CFAP54: variants seen among roughly 807,000 people sequenced by gnomAD.
CFAP54 encodes cilia- and flagella-associated protein 54.
A neutral mutation model predicts 370.4 loss-of-function variants in CFAP54; 290 were observed. That is an observed-to-expected ratio of 0.78 (90% CI 0.71 to 0.86). CFAP54 has a LOEUF of 0.86. Ranked by LOEUF, CFAP54 falls within the 40% of genes least tolerant of loss-of-function variation. The pLI is 0.00. For missense variants in CFAP54, 3,399 were observed against 3,528.7 expected (o/e 0.96, Z 0.93); for synonymous variants, 1,206 against 1,236.5 (o/e 0.98, Z 0.52).
At chr12:96,862,766 A>G (rs1959909148) in intron 67 of CFAP54, among the ~76,000 whole-genome samples, 1 of 152,218 alleles carries the variant, frequency 6.6e-6, no homozygotes, top group African/African-American at 2.4e-5. Context: ...AATGGCTCTT[A>G]TGTGAAGATG....
intron 65 of CFAP54, among the ~76,000 whole-genome samples, chr12:96,826,853 A>T (rs1959118150): frequency 8.5e-6 from 1 of 117,728 alleles, no homozygotes; most frequent in Admixed American, 1.1e-4. Flanking sequence ...ATATTATATA[A>T]TATATTATAT....
chr12:96,760,523 G>A (rs1285132548), intron 58 of CFAP54, among the ~76,000 whole-genome samples: 1 of 152,114 alleles, frequency 6.6e-6, no homozygotes, highest in Non-Finnish European at 1.5e-5. Context: ...CATGTAAATA[G>A]AATGATAGAG....
At chr12:96,636,548 T>C (rs929679775) in intron 32 of CFAP54, among the ~76,000 whole-genome samples, 2 of 152,246 alleles carry the variant, frequency 1.3e-5, no homozygotes, top group Non-Finnish European at 2.9e-5. Flanking sequence ...GTTTGTCTAT[T>C]TTTTAGTCTT....
chr12:96,811,923 T>C, intron 64 of CFAP54, 81 bp downstream of exon 64: 1 of 812,504 alleles, frequency 1.2e-6, no homozygotes, highest in South Asian at 1.9e-5. Context: ...TGGCAAGGTG[T>C]AGCATAGGAG....
intron 62 of CFAP54, among the ~76,000 whole-genome samples, chr12:96,791,227 C>T (rs1367778268): frequency 6.6e-6 from 1 of 150,702 alleles, no homozygotes; most frequent in Non-Finnish European, 1.5e-5. Context: ...CTCTGTTGCC[C>T]AGGCTGCAGT....
intron 25 of CFAP54, among the ~76,000 whole-genome samples, chr12:96,597,446 G>A (rs1490562637): frequency 6.6e-6 from 1 of 151,890 alleles, no homozygotes; most frequent in Non-Finnish European, 1.5e-5. Context: ...TGGCAACTGA[G>A]CATGTAAAAG....
In CFAP54 at chr12:96,527,284, T is replaced by C. The variant is rs915665959; in HGVS notation, c.1197T>C (p.Asp399=). ...WPRTVTERLL[D]EMFDSTASQF... is the part of the protein sequence containing the mutation. Reference sequence around the variant, plus strand: ...GAACTGTCACAGAGCGGCTACTGGATGAGATGTTTGATAGCACTGCATCCC... The same window carrying C: ...GAACTGTCACAGAGCGGCTACTGGACGAGATGTTTGATAGCACTGCATCCC... Residue 399 remains aspartate, a synonymous_variant, in exon 9 of 68, where the codon GAT becomes GAC. Transcript: ENST00000524981. 2 of 1,532,722 alleles carry C rather than the reference T, an allele frequency of 1.3e-6. No individual in the cohort carries two copies. Among genetic ancestry groups the C allele is most frequent in the Non-Finnish European group, 1.7e-6 (2 of 1,145,654 alleles). 94.9% of individuals were successfully genotyped at this position (1,532,722 alleles called of 1,614,324 possible).
rs898821884 is a variant in CFAP54, at chr12:96,700,043, A to G, written c.6424A>G (p.Asn2142Asp). ...YEISQIFYGK[N>D]MPCPIPAGYK... ...GATATCCCAAATTTTCTATGGAAAA[A>G]ACATGCCTTGTCCAATACCTGCAGG... Residue 2142 changes from asparagine (N) to aspartate (D), a missense_variant, in exon 46 of 68, where the codon AAC becomes GAC. Coordinates refer to ENST00000524981, the MANE Select transcript of CFAP54 (RefSeq NM_001306084.2). 4 of 1,610,530 alleles carry G rather than the reference A, an allele frequency of 2.5e-6. No individual in the cohort carries two copies. In the African/African-American group the frequency reaches 4.0e-5, roughly 16 times the overall value.
At position 96,836,677 on chromosome 12, in the gene CFAP54, G is replaced by C. The variant is rs1486040964; in HGVS notation, c.9171+7589G>C. Among the ~76,000 whole-genome samples, 5 of 152,030 alleles carry C rather than the reference G, an allele frequency of 3.3e-5. No homozygotes were observed. The East Asian group carries it at 9.6e-4, about 29-fold the overall frequency. ...GAACATAAATTAGTCTATGCAATAT[G>C]TTTTCTTTTTGAATTTAATCTAAAA... On this transcript the variant is annotated intron_variant, in intron 66 of 67. Transcript: ENST00000524981.
chr12:96,582,142 C>T (rs563129337), intron 22 of CFAP54, among the ~76,000 whole-genome samples: 2 of 152,182 alleles, frequency 1.3e-5, no homozygotes, highest in East Asian at 3.9e-4. Context: ...GTAGCTACTT[C>T]CCAGAGGTAT....
At chr12:96,613,948 G>T (rs999342457) in intron 26 of CFAP54, among the ~76,000 whole-genome samples, 1 of 152,024 alleles carries the variant, frequency 6.6e-6, no homozygotes, top group African/African-American at 2.4e-5. Flanking sequence ...GGAGGAGCGG[G>T]TACCATTCCT....
chr12:96,603,487 A>T (rs1466155881), intron 26 of CFAP54, among the ~76,000 whole-genome samples: 1 of 152,104 alleles, frequency 6.6e-6, no homozygotes, highest in Non-Finnish European at 1.5e-5. Context: ...TATTTCCTGA[A>T]TTTGAATGTT....
intron 60 of CFAP54, among the ~76,000 whole-genome samples, chr12:96,771,137 C>G (rs187995462): frequency 5.9e-5 from 9 of 152,284 alleles, no homozygotes; most frequent in Non-Finnish European, 1.0e-4. Context: ...GAGGACTTCA[C>G]TGGAGAGGAA....
intron 66 of CFAP54, among the ~76,000 whole-genome samples, chr12:96,845,253 C>T (rs1387493990): frequency 6.6e-6 from 1 of 152,186 alleles, no homozygotes; most frequent in Non-Finnish European, 1.5e-5. Flanking sequence ...AAATCTCTCA[C>T]AGCTTGTATT....
chr12:96,509,719 G>A lies in CFAP54; in HGVS notation c.739+2620G>A, dbSNP rs1452575376. ...TAATCCCAGTTACTCAGGAGGCTGA[G>A]GCAGGAGAATTGCTTGAATCTGGGA... On this transcript the variant is annotated intron_variant, in intron 4 of 67. Transcript: ENST00000524981. Among the ~76,000 whole-genome samples, 3 of 151,940 alleles carry A rather than the reference G, an allele frequency of 2.0e-5. No individual in the cohort carries two copies. In the South Asian group the frequency reaches 6.2e-4, roughly 31 times the overall value.
chr12:96,511,339 G>T (rs1955164709), intron 4 of CFAP54, among the ~76,000 whole-genome samples: 1 of 151,990 alleles, frequency 6.6e-6, no homozygotes, highest in South Asian at 2.1e-4. Context: ...ATTTTTTTGA[G>T]ATGGAGACTC....
intron 61 of CFAP54, among the ~76,000 whole-genome samples, chr12:96,786,326 G>T (rs1038621145): frequency 4.0e-5 from 6 of 151,642 alleles, no homozygotes; most frequent in African/African-American, 1.5e-4. Context: ...GATTACAGGC[G>T]TGTGCCACCA....
At chr12:96,632,007 C>A (rs556606674) in intron 32 of CFAP54, among the ~76,000 whole-genome samples, 39 of 151,678 alleles carry the variant, frequency 2.6e-4, no homozygotes, top group African/African-American at 9.2e-4. Flanking sequence ...TTCACCAACA[C>A]TTGACATTAT....
intron 25 of CFAP54, among the ~76,000 whole-genome samples, chr12:96,597,886 A>G (rs1001367014): frequency 3.3e-5 from 5 of 151,952 alleles, no homozygotes; most frequent in African/African-American, 1.2e-4. Context: ...CACATGATTT[A>G]GGGATATGAT....
Sources: gnomAD v4.1 joint callset for allele counts (sites outside exome capture counted in the v4.1 genomes callset) on GRCh38, gnomAD v4.1.1 for gene constraint, MANE v1.5 for transcripts, NCBI Gene and HGNC (gene_info 2026-07-23, HGNC 2026-07-21) for gene names.